NEB: variants seen among roughly 807,000 people sequenced by gnomAD.
NEB encodes the protein nebulin, also known as nemaline myopathy type 2.
In NEB, 512 loss-of-function variants were observed where a neutral mutation model predicts 952.2. That is an observed-to-expected ratio of 0.54 (90% CI 0.50 to 0.58). The LOEUF (loss-of-function observed/expected upper bound fraction) is 0.58. Among genes scored for constraint, NEB ranks in the 20% least tolerant of loss-of-function variants. NEB has a pLI of 0.00. For synonymous variants in NEB, 2,900 were observed against 3,149.8 expected, an observed-to-expected ratio of 0.92 and a Z score of 2.66; for missense variants, 8,428 against 9,231.1, an observed-to-expected ratio of 0.91 and a Z score of 3.56.
chr2:151,643,187 A>G lies in NEB; in HGVS notation c.8123T>C (p.Met2708Thr), dbSNP rs1015849092. 2 of 1,613,696 alleles carry G rather than the reference A, an allele frequency of 1.2e-6. No individual in the cohort carries two copies. The highest frequency in any genetic ancestry group is 2.7e-5 in the African/African-American group (2 of 74,930). ...KFSSLMDSIP[M>T]VLAKNNAITM... ...AATAGCATTGTTTTTTGCCAAAACC[A>G]TTGGTATGGAATCCATAAGGCTGGA... The change falls in exon 58 of 182, where the codon ATG (methionine) becomes ACG (threonine). Residue 2708 changes from methionine to threonine, a missense_variant. This residue lies in a region of NEB where 1,772 missense variants were observed against 1,960.3 expected (regional missense o/e 0.90). Coordinates refer to ENST00000397345, the MANE Select transcript of NEB (RefSeq NM_001164508.2).
intron 166 of NEB, 25 bp from the exon 167 acceptor site, chr2:151,502,910 G>T: frequency 7.1e-7 from 1 of 1,413,156 alleles, no homozygotes; most frequent in South Asian, 1.2e-5. Context: ...AAAGTACCCA[G>T]AGGACATTTA....
rs547541231 is a variant in NEB at position 151,620,861 on chromosome 2, C to G, written c.10560+58G>C. ...GGATGATGACCAAAGAGACATCCAG[C>G]TGTATTCTGTGTGGCTGGCATGATG... On this transcript the variant is annotated intron_variant, in intron 72 of 181. Transcript: ENST00000397345. 5 of 1,309,322 alleles carry G rather than the reference C, an allele frequency of 3.8e-6. No individual in the cohort carries two copies. In the African/African-American group the frequency reaches 7.3e-5, roughly 19 times the overall value. The allele number at this position is 1,309,322 out of a possible 1,614,324, so 81.1% of individuals were successfully genotyped here.
At chr2:151,495,928 T>C (rs1394763616) in intron 173 of NEB, among the ~76,000 whole-genome samples, 1 of 152,098 alleles carries the variant, frequency 6.6e-6, no homozygotes, top group East Asian at 1.9e-4. Context: ...AAGAGCCGCA[T>C]TGGACCTACT....
At position 151,617,357 on chromosome 2, in the gene NEB, T is replaced by G; in HGVS notation, c.11181+7A>C. ...TCTGTTCATTACAAGATCAACAGTT[T>G]ACTTACATCACTGTAGTTTATTCGG... On this transcript the variant is annotated splice_region_variant and intron_variant, in intron 75 of 181. Coordinates refer to ENST00000397345, the MANE Select transcript of NEB (RefSeq NM_001164508.2). The G allele has an allele frequency of 6.6e-7, 1 of 1,524,218 alleles. No individual in the cohort carries two copies. The highest frequency in any genetic ancestry group is 8.9e-7 in the Non-Finnish European group (1 of 1,119,684). The allele number at this position is 1,524,218 out of a possible 1,614,324, so 94.4% of individuals were successfully genotyped here.
chr2:151,724,994 C>T (rs375105168), intron 6 of NEB, 33 bp from the exon 7 acceptor site: 1 of 1,510,104 alleles, frequency 6.6e-7, no homozygotes, highest in African/African-American at 1.4e-5. Context: ...GAGTTCATGA[C>T]AGGCATGTAC....
intron 27 of NEB, 95 bp downstream of exon 27, chr2:151,687,324 C>A (rs986550654): frequency 7.8e-6 from 8 of 1,028,872 alleles, no homozygotes; most frequent in Admixed American, 1.8e-5. Flanking sequence ...TGTGAAAGAG[C>A]CCATGCTCAT....
chr2:151,625,387 T>C, intron 71 of NEB, 147 bp downstream of exon 71: 1 of 460,316 alleles, frequency 2.2e-6, no homozygotes, highest in Non-Finnish European at 3.8e-6. Flanking sequence ...TTTAATACAA[T>C]AATATGTATA....
rs773927616 is a variant in NEB, at chr2:151,514,894, T to C, written c.22940A>G (p.Lys7647Arg). ...EYRKDYEESI[K>R]GRNLTGLEVT... is the part of the protein sequence containing the mutation. Reference sequence around the variant, plus strand: ...CTCCAGGCCAGTCAGGTTTCTGCCTTTAATGGACTCTTCATAATCTTTCCT... The same window carrying C: ...CTCCAGGCCAGTCAGGTTTCTGCCTCTAATGGACTCTTCATAATCTTTCCT... The change falls in exon 158 of 182, where the codon AAA becomes AGA. Residue 7647 changes from lysine (K) to arginine (R), a missense_variant. This residue lies in a region of NEB where 3,374 missense variants were observed against 3,651.5 expected (regional missense o/e 0.92). Coordinates refer to ENST00000397345, the MANE Select transcript of NEB (RefSeq NM_001164508.2). The C allele has an allele frequency of 3.9e-5, 62 of 1,583,218 alleles. No homozygotes were observed. Among genetic ancestry groups the C allele is most frequent in the Non-Finnish European group, 5.2e-5 (60 of 1,162,766 alleles).
intron 124 of NEB, among the ~76,000 whole-genome samples, chr2:151,555,827 A>G (rs1390459525): frequency 1.3e-5 from 2 of 151,788 alleles, no homozygotes; most frequent in East Asian, 3.9e-4. Context: ...CTTACATCTA[A>G]TCTATTTCTC....
In NEB at chr2:151,629,556, T is replaced by C; in HGVS notation, c.9814A>G (p.Arg3272Gly). Residue 3272 changes from arginine to glycine, a missense_variant, in exon 68 of 182, where the codon AGG (arginine) becomes GGG (glycine). Transcript: ENST00000397345. ...AIPIVAAKASRDVISDYKYKD... is the reference protein window; with the variant it reads ...AIPIVAAKASGDVISDYKYKD... ...CTACTCACATCACTGATAACGTCCC[T>C]GGAGGCCTTGGCAGCCACGATGGGG... 6.2e-7 allele frequency: 1 copy of C among 1,613,586 alleles called. No individual in the cohort carries two copies. The highest frequency in any genetic ancestry group is 1.7e-4 in the Middle Eastern group (1 of 6,058).
chr2:151,627,221 A>G lies in NEB; in HGVS notation c.10144-16T>C, dbSNP rs1028577306. The G allele has an allele frequency of 2.5e-6, 4 of 1,606,140 alleles. No individual in the cohort carries two copies. Among genetic ancestry groups the G allele is most frequent in the African/African-American group, 1.3e-5 (1 of 74,732 alleles). ...TGTAAATGTTCTGGAGAGATTAAAC[A>G]CAAAAGCGAGTATTACTGAAGTTGT... On this transcript the variant is annotated splice_polypyrimidine_tract_variant and intron_variant, in intron 69 of 181. Coordinates refer to ENST00000397345, the MANE Select transcript of NEB (RefSeq NM_001164508.2).
At chr2:151,541,360 G>C (rs1261471650) in intron 136 of NEB, 87 bp downstream of exon 136, 1 of 915,416 alleles carries the variant, frequency 1.1e-6, no homozygotes, top group Non-Finnish European at 1.7e-6. Context: ...CCAAGTGTGT[G>C]AGTCTGCCAC....
chr2:151,496,272 G>A lies in NEB; in HGVS notation c.24486+4C>T. ...AGTAGTTTTTTTCTTTTCTCGCCAA[G>A]TACCGAGCTAATATTTTCTTGATTG... is the stretch of plus-strand genomic sequence containing the variant. On this transcript the variant is annotated splice_donor_region_variant and intron_variant, in intron 173 of 181. Coordinates refer to ENST00000397345, the MANE Select transcript of NEB (RefSeq NM_001164508.2). 6.2e-7 allele frequency: 1 copy of A among 1,601,466 alleles called. No individual in the cohort carries two copies. The highest frequency in any genetic ancestry group is 1.7e-5 in the Admixed American group (1 of 59,168).
chr2:151,564,450 G>T (rs2153724078), intron 117 of NEB, among the ~76,000 whole-genome samples: 1 of 152,306 alleles, frequency 6.6e-6, no homozygotes, highest in Admixed American at 6.5e-5. Flanking sequence ...ACCATGCCCA[G>T]CCAACTCTAG....
At position 151,684,992 on chromosome 2, in the gene NEB, A is replaced by C. The variant is rs1483339745; in HGVS notation, c.2638-17T>G. 6.4e-7 allele frequency: 1 copy of C among 1,554,216 alleles called. No individual in the cohort carries two copies. The highest frequency in any genetic ancestry group is 1.2e-5 in the South Asian group (1 of 85,526). On this transcript the variant is annotated splice_polypyrimidine_tract_variant and intron_variant, in intron 27 of 181. Coordinates refer to ENST00000397345, the MANE Select transcript of NEB (RefSeq NM_001164508.2). ...ATATTCGCGCTGTGAATAGGAAATT[A>C]TCATTTATTATCACAAATCCTCGAT...
chr2:151,664,658 T>C (rs374180094), intron 43 of NEB, 50 bp from the exon 44 acceptor site: 1 of 1,544,902 alleles, frequency 6.5e-7, no homozygotes, highest in Admixed American at 1.9e-5. Context: ...GGGGTTAGAA[T>C]AGAGGTCCTG....
At chr2:151,498,475 A>C (rs1254069709) in intron 169 of NEB, 123 bp from the exon 170 acceptor site, 1 of 668,286 alleles carries the variant, frequency 1.5e-6, no homozygotes, top group East Asian at 2.7e-5. Context: ...AAATACCAGA[A>C]GCTTTTAGAC....
intron 51 of NEB, among the ~76,000 whole-genome samples, chr2:151,654,490 G>A (rs2099065687): frequency 6.6e-6 from 1 of 152,164 alleles, no homozygotes; most frequent in African/African-American, 2.4e-5. Context: ...ATTTTAATTA[G>A]CTAAGTGATA....
chr2:151,622,560 CTCTT>C (rs1446346556), intron 71 of NEB, among the ~76,000 whole-genome samples: 2 of 152,246 alleles, frequency 1.3e-5, no homozygotes, highest in Admixed American at 6.5e-5. Context: ...CTCTAGCTCT[CTCTT>C]TATGTGTTTG....
Sources: allele counts gnomAD v4.1 joint callset (sites outside exome capture counted in the v4.1 genomes callset), GRCh38; gene constraint gnomAD v4.1.1; regional missense constraint gnomAD v4.1.1; transcripts MANE v1.5; gene names NCBI Gene and HGNC (gene_info 2026-07-23, HGNC 2026-07-21).